CUBN: variants seen among roughly 807,000 people sequenced by gnomAD.
The protein encoded by CUBN is cubilin, also known as 460 kDa receptor.
A neutral mutation model predicts 405.3 loss-of-function variants in CUBN; 282 were observed. The observed-to-expected ratio is 0.70, with a 90% confidence interval of 0.63 to 0.77. CUBN has a LOEUF of 0.77. Among genes scored for constraint, CUBN ranks in the 30% least tolerant of loss-of-function variants. The probability of loss-of-function intolerance (pLI) is 0.00; values close to 1 mark genes in which losing one functional copy is unlikely to be tolerated. For missense variants in CUBN, 4,514 were observed against 4,475.2 expected (o/e 1.01, Z -0.25); for synonymous variants, 1,684 against 1,617.0 (o/e 1.04, Z -0.99).
chr10:16,954,932 G>A (rs2131634690), intron 31 of CUBN, among the ~76,000 whole-genome samples: 1 of 152,344 alleles, frequency 6.6e-6, no homozygotes, highest in South Asian at 2.1e-4. Flanking sequence ...GATGAGTGAT[G>A]AGCATTTGTT....
chr10:17,014,912 C>G (rs1389680308), intron 28 of CUBN, among the ~76,000 whole-genome samples: 1 of 152,184 alleles, frequency 6.6e-6, no homozygotes, highest in African/African-American at 2.4e-5. Context: ...CAGGAGAATA[C>G]AGAAGAAGGC....
intron 29 of CUBN, among the ~76,000 whole-genome samples, chr10:16,988,632 G>A (rs1833495079): frequency 6.6e-6 from 1 of 152,120 alleles, no homozygotes; most frequent in Admixed American, 6.5e-5. Context: ...AATTCCTAGT[G>A]ACTCTCACTG....
intron 2 of CUBN, among the ~76,000 whole-genome samples, chr10:17,128,262 C>T (rs1443847158): frequency 2.0e-5 from 3 of 152,128 alleles, no homozygotes; most frequent in Non-Finnish European, 2.9e-5. Flanking sequence ...CTGTCCTGGG[C>T]AAGTTACCTA....
At chr10:17,040,347 G>A (rs1834990748) in intron 27 of CUBN, among the ~76,000 whole-genome samples, 1 of 152,070 alleles carries the variant, frequency 6.6e-6, no homozygotes, top group Non-Finnish European at 1.5e-5. Context: ...GACTCAAAAA[G>A]TTATTTTACT....
intron 59 of CUBN, among the ~76,000 whole-genome samples, chr10:16,861,056 A>G (rs1265657430): frequency 6.6e-6 from 1 of 152,016 alleles, no homozygotes; most frequent in Admixed American, 6.6e-5. Context: ...TTATGCCCCA[A>G]AGCATTACCA....
chr10:16,985,447 G>A (rs985720755), intron 29 of CUBN, among the ~76,000 whole-genome samples: 31 of 152,094 alleles, frequency 2.0e-4, no homozygotes, highest in African/African-American at 6.0e-4. Context: ...TACCTCCATC[G>A]CCCAATAAAA....
intron 50 of CUBN, 128 bp from the exon 51 acceptor site, chr10:16,904,243 A>G: frequency 1.2e-6 from 1 of 861,136 alleles, no homozygotes; most frequent in East Asian, 2.6e-5. Context: ...AGTAGCAGAC[A>G]TTGCACAATA....
intron 28 of CUBN, among the ~76,000 whole-genome samples, chr10:17,010,482 A>G (rs1834150667): frequency 6.6e-6 from 1 of 151,740 alleles, no homozygotes; most frequent in African/African-American, 2.4e-5. Context: ...CTCTACTAAA[A>G]AAAAAAAAAT....
At chr10:16,829,102 G>C in intron 65 of CUBN, 62 bp from the exon 66 acceptor site, 1 of 1,240,724 alleles carries the variant, frequency 8.1e-7, no homozygotes, top group Non-Finnish European at 1.2e-6. Context: ...AGTCTGGCTT[G>C]TTAGGCAATA....
chr10:17,030,680 A>G (rs549039595), intron 27 of CUBN, among the ~76,000 whole-genome samples: 9 of 152,124 alleles, frequency 5.9e-5, no homozygotes, highest in Non-Finnish European at 1.3e-4. Flanking sequence ...GCACTTTGGG[A>G]AGCCGAGGTG....
chr10:16,995,341 T>C (rs558066741), intron 28 of CUBN, among the ~76,000 whole-genome samples: 86 of 152,356 alleles, frequency 5.6e-4, no homozygotes, highest in African/African-American at 1.9e-3. Flanking sequence ...TGATAGTTCC[T>C]AGGTAAGTAA....
intron 31 of CUBN, chr10:16,965,999 G>T (rs1219320910): frequency 2.1e-6 from 1 of 471,116 alleles, no homozygotes; most frequent in Non-Finnish European, 4.4e-6. Flanking sequence ...GTGAAATCAA[G>T]TTGTATTCAT....
At chr10:17,070,779 C>T (rs57015808) in intron 19 of CUBN, among the ~76,000 whole-genome samples, 3,673 of 152,134 alleles carry the variant, frequency 0.024, 155 homozygotes, top group African/African-American at 0.083. Flanking sequence ...CTTATGATTT[C>T]CTATATACAA....
intron 62 of CUBN, among the ~76,000 whole-genome samples, chr10:16,839,758 C>T (rs1317733107): frequency 3.3e-5 from 5 of 151,206 alleles, no homozygotes; most frequent in Non-Finnish European, 5.9e-5. Context: ...TATAAAGACA[C>T]ATGCACACGT....
At chr10:17,124,428 AT>A (rs369167825) in intron 4 of CUBN, among the ~76,000 whole-genome samples, 2,175 of 145,890 alleles carry the variant, frequency 0.015, 22 homozygotes, top group Non-Finnish European at 0.022. Context: ...TTTCTTTTTG[AT>A]TTTTTTTTCT....
chr10:16,958,975 G>T (rs140002846), intron 31 of CUBN, among the ~76,000 whole-genome samples: 3 of 152,348 alleles, frequency 2.0e-5, no homozygotes, highest in African/African-American at 7.2e-5. Flanking sequence ...CTTGAATGGT[G>T]CATCCTCTTG....
At chr10:16,912,257 AC>A (rs1841754217) in intron 48 of CUBN, among the ~76,000 whole-genome samples, 1 of 152,236 alleles carries the variant, frequency 6.6e-6, no homozygotes, top group Non-Finnish European at 1.5e-5. Flanking sequence ...GAAATTCACT[AC>A]CCAACAGGAG....
rs1386980913 is a variant in CUBN at position 16,899,156 on chromosome 10, T to A, written c.8438A>T (p.Asn2813Ile). The A allele has an allele frequency of 6.2e-7, 1 of 1,613,872 alleles. No individual in the cohort carries two copies. The highest frequency in any genetic ancestry group is 1.7e-5 in the Admixed American group (1 of 60,022). The change falls in exon 54 of 67, where the codon AAT becomes ATT. Residue 2813 changes from asparagine (N) to isoleucine (I), a missense_variant. Asn to Ile is a moderately radical substitution (Grantham distance 149). Around this residue, in one of 5 missense-constraint regions of CUBN, gnomAD observed 1,186 missense variants for 1,186.9 expected, o/e 1.00. Transcript: ENST00000377833. ...LGCGGIFHSD[N>I]GTIRSPHWPQ... ...CCAGTGAGGGGATCTGATTGTACCA[T>A]TATCAGAATGAAATATTCCACCACA...
chr10:16,830,488 C>G (rs1266070209), intron 65 of CUBN, among the ~76,000 whole-genome samples: 9 of 152,024 alleles, frequency 5.9e-5, no homozygotes. Context: ...TGATAAACAG[C>G]CAGCCAAAAA....
Sources: gnomAD v4.1 joint callset for allele counts (sites outside exome capture counted in the v4.1 genomes callset) on GRCh38, gnomAD v4.1.1 for gene constraint, gnomAD v4.1.1 regional missense constraint, MANE v1.5 for transcripts, NCBI Gene and HGNC (gene_info 2026-07-23, HGNC 2026-07-21) for gene names.